The following ANO4 variants were observed in gnomAD, a reference collection of about 807,000 sequenced individuals.
ANO4 encodes the protein anoctamin 4, also known as anoctamin-4.
A neutral mutation model predicts 141.9 loss-of-function variants in ANO4; 69 were observed. That is an observed-to-expected ratio of 0.49 (90% CI 0.40 to 0.59). The LOEUF (loss-of-function observed/expected upper bound fraction) is 0.59, where lower values mean the gene tolerates loss of function less well. Ranked by LOEUF, ANO4 falls within the 20% of genes least tolerant of loss-of-function variation. The pLI is 0.00. For synonymous variants in ANO4, 350 were observed against 394.3 expected (o/e 0.89, Z 1.33); for missense variants, 894 against 1,162.2 (o/e 0.77, Z 3.36).
At chr12:100,751,990 T>C (rs571249217) in intron 3 of ANO4, among the ~76,000 whole-genome samples, 29 of 152,326 alleles carry the variant, frequency 1.9e-4, no homozygotes, top group Admixed American at 1.6e-3. Flanking sequence ...TTGTGACTTA[T>C]CATGTTACCT....
Position 101,097,887 on chromosome 12 carries a change from A to G in ANO4, c.1948A>G (p.Met650Val). 2 of 1,613,838 alleles carry G rather than the reference A, an allele frequency of 1.2e-6. No homozygotes were observed. The highest frequency in any genetic ancestry group is 1.7e-6 in the Non-Finnish European group (2 of 1,179,840). ...ATGCCTTATTGATCTGTGTATGCAA[A>G]TGGGTATTATAATGGTGCTAAAGCA... ...SGCLIDLCMQ[M>V]GIIMVLKQTW... The change falls in exon 21 of 28, where the codon ATG becomes GTG. Residue 650 changes from methionine (M) to valine (V), a missense_variant. Physicochemically the swap from Met to Val is conservative, Grantham distance 21 (BLOSUM62 1). Coordinates refer to ENST00000392977, the MANE Select transcript of ANO4 (RefSeq NM_001286615.2).
intron 16 of ANO4, among the ~76,000 whole-genome samples, chr12:101,084,301 A>G (rs2049398799): frequency 6.6e-6 from 1 of 152,184 alleles, no homozygotes; most frequent in Admixed American, 6.5e-5. Context: ...TTGTTTTATT[A>G]TAGTATATTT....
intron 9 of ANO4, among the ~76,000 whole-genome samples, chr12:101,032,874 T>G (rs1175191269): frequency 1.3e-5 from 2 of 151,702 alleles, no homozygotes; most frequent in Non-Finnish European, 2.9e-5. Context: ...TTGGTGGGAC[T>G]GTAAACTAGT....
intron 22 of ANO4, among the ~76,000 whole-genome samples, chr12:101,108,519 A>G (rs1184271365): frequency 1.3e-5 from 2 of 152,186 alleles, no homozygotes; most frequent in African/African-American, 4.8e-5. Flanking sequence ...ATGAAAATTA[A>G]ATGAGTTAGT....
intron 26 of ANO4, among the ~76,000 whole-genome samples, chr12:101,122,944 G>A (rs1283040974): frequency 6.6e-6 from 1 of 152,074 alleles, no homozygotes; most frequent in African/African-American, 2.4e-5. Flanking sequence ...TCTAGCAATT[G>A]TCTATATTAT....
rs374500165 is a variant in ANO4, at chr12:100,926,223, A to G, written c.160+3893A>G. Among the ~76,000 whole-genome samples the G allele has an allele frequency of 9.9e-5, 15 of 152,250 alleles. No homozygotes were observed. The East Asian group carries it at 2.9e-3, about 29-fold the overall frequency. On this transcript the variant is annotated intron_variant, in intron 3 of 27. Coordinates refer to ENST00000392977, the MANE Select transcript of ANO4 (RefSeq NM_001286615.2). ...CACATCTTGATGCAAGAATTTTGCC[A>G]CCATGCTTCTACATTGTGAAATACA...
intron 2 of ANO4, among the ~76,000 whole-genome samples, chr12:100,912,528 C>T (rs933486076): frequency 4.0e-5 from 6 of 150,672 alleles, no homozygotes; most frequent in African/African-American, 9.8e-5. Context: ...AGCGAGACTC[C>T]GTCTCAAAAA....
chr12:101,046,543 C>T (rs960359456), intron 13 of ANO4, among the ~76,000 whole-genome samples: 1 of 152,188 alleles, frequency 6.6e-6, no homozygotes, highest in Non-Finnish European at 1.5e-5. Flanking sequence ...CTCCCATCTC[C>T]CCTGAGGTTT....
At chr12:100,886,111 C>T (rs1195772006) in intron 1 of ANO4, among the ~76,000 whole-genome samples, 1 of 152,038 alleles carries the variant, frequency 6.6e-6, no homozygotes, top group Non-Finnish European at 1.5e-5. Context: ...TATTTGTGTC[C>T]CCACTTCCAC....
intron 2 of ANO4, 111 bp from the exon 3 acceptor site, chr12:100,922,115 C>A: frequency 1.5e-6 from 1 of 648,464 alleles, no homozygotes. Context: ...GGATCATTGG[C>A]AAACCAGCTA....
chr12:100,953,691 T>G (rs2043065886), intron 5 of ANO4, among the ~76,000 whole-genome samples: 1 of 152,214 alleles, frequency 6.6e-6, no homozygotes, highest in Non-Finnish European at 1.5e-5. Context: ...CACTATTTCA[T>G]TTCAGGAGTT....
At chr12:100,915,105 G>A (rs931813341) in intron 2 of ANO4, among the ~76,000 whole-genome samples, 2 of 152,094 alleles carry the variant, frequency 1.3e-5, no homozygotes, top group African/African-American at 4.8e-5. Context: ...ACAGGTGTGA[G>A]CCACCACACC....
At chr12:100,825,787 A>T (rs995856752) in intron 1 of ANO4, among the ~76,000 whole-genome samples, 1 of 152,088 alleles carries the variant, frequency 6.6e-6, no homozygotes, top group African/African-American at 2.4e-5. Context: ...ATATATCTTC[A>T]GCTTTTACAA....
At chr12:100,818,311 A>C (rs1383626589) in intron 1 of ANO4, among the ~76,000 whole-genome samples, 1 of 151,888 alleles carries the variant, frequency 6.6e-6, no homozygotes, top group East Asian at 1.9e-4. Flanking sequence ...AACTTAAGCT[A>C]TGAGGCTTGG....
At chr12:100,848,207 C>T (rs2037677428) in intron 1 of ANO4, among the ~76,000 whole-genome samples, 1 of 151,960 alleles carries the variant, frequency 6.6e-6, no homozygotes, top group Non-Finnish European at 1.5e-5. Flanking sequence ...CCCATTGTTC[C>T]TGCCTTTTGC....
At chr12:100,992,065 C>G (rs919391832) in intron 8 of ANO4, among the ~76,000 whole-genome samples, 1 of 152,130 alleles carries the variant, frequency 6.6e-6, no homozygotes, top group African/African-American at 2.4e-5. Context: ...GATTTTACAT[C>G]CTAAATATCT....
intron 8 of ANO4, among the ~76,000 whole-genome samples, chr12:101,003,208 T>C (rs899373614): frequency 1.3e-5 from 2 of 152,242 alleles, no homozygotes; most frequent in African/African-American, 4.8e-5. Context: ...CAAAGGTTTA[T>C]TTATAGCTCA....
Position 100,974,903 on chromosome 12 carries a change from T to C in ANO4, c.602+14T>C. 6.2e-7 allele frequency: 1 copy of C among 1,613,898 alleles called. No homozygotes were observed. Among genetic ancestry groups the C allele is most frequent in the South Asian group, 1.1e-5 (1 of 91,080 alleles). Reference sequence around the variant, plus strand: ...GTTCATGAGCAGGTTAGTAGCACGCTCTGTCCTGACAGTGTTTGTCTTTCT... The same window carrying C: ...GTTCATGAGCAGGTTAGTAGCACGCCCTGTCCTGACAGTGTTTGTCTTTCT... On this transcript the variant is annotated intron_variant, in intron 7 of 27. Coordinates refer to ENST00000392977, the MANE Select transcript of ANO4 (RefSeq NM_001286615.2).
intron 3 of ANO4, among the ~76,000 whole-genome samples, chr12:100,771,091 C>T (rs2033278069): frequency 6.6e-6 from 1 of 152,180 alleles, no homozygotes; most frequent in Admixed American, 6.5e-5. Flanking sequence ...TGATCAAATA[C>T]TCTTCATATC....
Sources: gnomAD v4.1 joint callset for allele counts (sites outside exome capture counted in the v4.1 genomes callset) on GRCh38, gnomAD v4.1.1 for gene constraint, MANE v1.5 for transcripts, NCBI Gene and HGNC (gene_info 2026-07-23, HGNC 2026-07-21) for gene names.